ERBB4: variants seen among roughly 807,000 people sequenced by gnomAD.
ERBB4 encodes erb-b2 receptor tyrosine kinase 4.
A neutral mutation model predicts 158.0 loss-of-function variants in ERBB4; 42 were observed. The ratio of observed to expected loss-of-function variants is 0.27; its 90% confidence interval spans 0.21 to 0.34. ERBB4 has a LOEUF of 0.34. Among genes scored for constraint, ERBB4 ranks in the 10% least tolerant of loss-of-function variants. The probability of loss-of-function intolerance (pLI) is 1.00; values close to 1 mark genes in which losing one functional copy is unlikely to be tolerated. For synonymous variants in ERBB4, 583 were observed against 558.7 expected, an observed-to-expected ratio of 1.04 and a Z score of -0.61; for missense variants, 1,333 against 1,624.1, an observed-to-expected ratio of 0.82 and a Z score of 3.08.
intron 2 of ERBB4, among the ~76,000 whole-genome samples, chr2:211,948,442 A>C (rs1420715543): frequency 5.7e-4 from 54 of 94,464 alleles, no homozygotes; most frequent in African/African-American, 2.7e-3. Flanking sequence ...CTCACAAAAA[A>C]AAAAAAAAAA....
chr2:212,134,361 G>T (rs943801284), intron 1 of ERBB4, among the ~76,000 whole-genome samples: 6 of 151,700 alleles, frequency 4.0e-5, no homozygotes, highest in African/African-American at 1.5e-4. Flanking sequence ...TAAAAAATTT[G>T]TATCAATGTT....
intron 19 of ERBB4, among the ~76,000 whole-genome samples, chr2:211,599,537 T>TGTGTGTGTGTGTGTGTGTGTG (rs2068737797): frequency 1.2e-4 from 1 of 8,032 alleles, no homozygotes; most frequent in African/African-American, 2.6e-4. Flanking sequence ...GTGTGTGTGT[T>TGTGTGTGTGTGTGTGTGTGTG]TCCTGTCAAG....
intron 20 of ERBB4, among the ~76,000 whole-genome samples, chr2:211,477,188 T>C (rs577461661): frequency 6.6e-6 from 1 of 152,224 alleles, no homozygotes; most frequent in African/African-American, 2.4e-5. Context: ...GTCAGCAGGC[T>C]GCCTGTGGAC....
chr2:211,648,555 G>A (rs549478163), intron 16 of ERBB4, among the ~76,000 whole-genome samples: 2 of 151,790 alleles, frequency 1.3e-5, no homozygotes, highest in South Asian at 4.1e-4. Context: ...ATATGGAGGA[G>A]GGTTTGTGTT....
intron 25 of ERBB4, among the ~76,000 whole-genome samples, chr2:211,418,701 T>C (rs2063448231): frequency 6.6e-6 from 1 of 152,142 alleles, no homozygotes; most frequent in Non-Finnish European, 1.5e-5. Flanking sequence ...TAAATTTCAC[T>C]GTTGTAACCA....
rs1172193468 is a variant in ERBB4 at position 211,892,562 on chromosome 2, A to G, written c.421+54868T>C. Among the ~76,000 whole-genome samples, 29 of 143,102 alleles carry G rather than the reference A, an allele frequency of 2.0e-4. 7 individuals carry two copies. The highest frequency in any genetic ancestry group is 8.0e-4 in the African/African-American group (29 of 36,128). The allele number at this position is 143,102 out of a possible 152,430, so 93.9% of individuals were successfully genotyped here. The stretch of plus-strand genomic sequence containing the variant: ...AGTGTTGGAAGTTCTGGCCAGGGCA[A>G]TTAGGCAGGAGAAGGAAATAAAGGG... On this transcript the variant is annotated intron_variant, in intron 3 of 27. Coordinates refer to ENST00000342788, the MANE Select transcript of ERBB4 (RefSeq NM_005235.3).
intron 22 of ERBB4, among the ~76,000 whole-genome samples, chr2:211,425,184 A>G (rs1482830530): frequency 1.3e-5 from 2 of 152,166 alleles, no homozygotes; most frequent in East Asian, 3.8e-4. Context: ...ATAATATTAC[A>G]AAGTGAATTT....
intron 15 of ERBB4, among the ~76,000 whole-genome samples, chr2:211,661,109 T>C (rs1396550610): frequency 6.6e-6 from 1 of 152,060 alleles, no homozygotes; most frequent in Non-Finnish European, 1.5e-5. Flanking sequence ...GGGGATTGTG[T>C]AGGATATTTG....
chr2:212,404,132 G>C (rs919178257), intron 1 of ERBB4, among the ~76,000 whole-genome samples: 3 of 151,970 alleles, frequency 2.0e-5, no homozygotes, highest in Non-Finnish European at 4.4e-5. Flanking sequence ...TGAGGGAAGA[G>C]AGAAAAGCAG....
intron 19 of ERBB4, among the ~76,000 whole-genome samples, chr2:211,564,490 G>A (rs1014485218): frequency 3.9e-5 from 6 of 152,108 alleles, no homozygotes; most frequent in Admixed American, 3.3e-4. Flanking sequence ...AAATATGGAC[G>A]ATTTCTTCCA....
At position 211,913,617 on chromosome 2, in the gene ERBB4, A is replaced by ATGTGTG. The variant is rs879271352; in HGVS notation, c.421+33812_421+33813insCACACA. Among the ~76,000 whole-genome samples the ATGTGTG allele has an allele frequency of 8.7e-3, 1,032 of 118,288 alleles. 8 individuals carry two copies. The highest frequency in any genetic ancestry group is 0.03 in the South Asian group (111 of 3,702). The allele number at this position is 118,288 out of a possible 152,430, so 77.6% of individuals were successfully genotyped here. A position where few individuals can be genotyped will look rare whatever the true frequency, so the allele number is the denominator to read the frequency against. On this transcript the variant is annotated intron_variant, in intron 3 of 27. Transcript: ENST00000342788. The stretch of plus-strand genomic sequence containing the variant: ...CTCTATTTCAAAAAAATATATATAT[A>ATGTGTG]TATGTGTGTGTGTGTGTGTGTGTGT...
intron 1 of ERBB4, among the ~76,000 whole-genome samples, chr2:212,217,019 T>C (rs762789599): frequency 5.9e-5 from 9 of 151,488 alleles, no homozygotes; most frequent in Non-Finnish European, 1.2e-4. Flanking sequence ...GATCAAGGCA[T>C]CTGGTCTGTA....
intron 20 of ERBB4, among the ~76,000 whole-genome samples, chr2:211,465,230 C>T (rs978722283): frequency 5.3e-5 from 8 of 151,982 alleles, no homozygotes; most frequent in Non-Finnish European, 2.9e-5. Flanking sequence ...GTGGAGGATT[C>T]GCAGGTAGGT....
intron 1 of ERBB4, among the ~76,000 whole-genome samples, chr2:212,139,442 G>T (rs938286846): frequency 6.6e-6 from 1 of 151,868 alleles, no homozygotes; most frequent in African/African-American, 2.4e-5. Flanking sequence ...GGCAATAAAG[G>T]TATCAAAAAT....
chr2:211,516,045 G>T (rs1265997714), intron 20 of ERBB4, among the ~76,000 whole-genome samples: 1 of 149,388 alleles, frequency 6.7e-6, no homozygotes, highest in Non-Finnish European at 1.5e-5. Context: ...CTCCTGAGTA[G>T]CTGGGACTAC....
intron 2 of ERBB4, among the ~76,000 whole-genome samples, chr2:212,084,134 C>T (rs113846121): frequency 1.4e-4 from 21 of 151,868 alleles, no homozygotes; most frequent in African/African-American, 4.8e-4. Context: ...AATTGAGAGT[C>T]GATTGTACAC....
intron 25 of ERBB4, among the ~76,000 whole-genome samples, chr2:211,412,179 T>C (rs573617391): frequency 1.3e-4 from 20 of 152,190 alleles, no homozygotes; most frequent in Non-Finnish European, 1.8e-4. Context: ...CATCCTAACA[T>C]TGACAGAAAA....
intron 4 of ERBB4, among the ~76,000 whole-genome samples, chr2:211,756,151 G>A (rs183207809): frequency 2.0e-3 from 304 of 152,228 alleles, no homozygotes; most frequent in African/African-American, 7.0e-3. Flanking sequence ...TCACTACCCT[G>A]TCCTCAAGGA....
At chr2:212,437,503 A>G (rs1331258567) in intron 1 of ERBB4, among the ~76,000 whole-genome samples, 1 of 151,988 alleles carries the variant, frequency 6.6e-6, no homozygotes. Context: ...AAAAAAAAAA[A>G]AAAAGGAAGA....
Sources: gnomAD v4.1 joint callset for allele counts (sites outside exome capture counted in the v4.1 genomes callset) on GRCh38, gnomAD v4.1.1 for gene constraint, MANE v1.5 for transcripts, NCBI Gene and HGNC (gene_info 2026-07-23, HGNC 2026-07-21) for gene names.